Variants in CFAP45 observed in about 807,000 individuals in gnomAD.
CFAP45 encodes the protein cilia- and flagella-associated protein 45.
A neutral mutation model predicts 75.6 loss-of-function variants in CFAP45; 43 were observed. The ratio of observed to expected loss-of-function variants is 0.57; its 90% confidence interval spans 0.45 to 0.73. The LOEUF (loss-of-function observed/expected upper bound fraction) is 0.73. Among genes scored for constraint, CFAP45 ranks in the 30% least tolerant of loss-of-function variants. The pLI is 0.00. For synonymous variants in CFAP45, 223 were observed against 244.6 expected (o/e 0.91, Z 0.82); for missense variants, 689 against 701.5 (o/e 0.98, Z 0.20).
At chr1:159,895,602 C>A (rs1368564827) in intron 1 of CFAP45, among the ~76,000 whole-genome samples, 1 of 152,236 alleles carries the variant, frequency 6.6e-6, no homozygotes, top group African/African-American at 2.4e-5. Context: ...CAGGGAGTCT[C>A]CCTCTACAGC....
chr1:159,872,437 G>A lies in CFAP45; in HGVS notation c.*48C>T. The A allele has an allele frequency of 7.1e-7, 1 of 1,411,514 alleles. No individual in the cohort carries two copies. Among genetic ancestry groups the A allele is most frequent in the South Asian group, 1.1e-5 (1 of 87,014 alleles). 87.4% of individuals were successfully genotyped at this position (1,411,514 alleles called of 1,614,324 possible). ...AGCAATTATGGATGCCCAGAGACTG[G>A]GCAGAATCTGTCCCCCGAAGGCATC... On this transcript the variant is annotated 3_prime_UTR_variant, in exon 12 of 12. Coordinates refer to ENST00000368099, the MANE Select transcript of CFAP45 (RefSeq NM_012337.3).
chr1:159,889,655 G>T (rs539148834), intron 3 of CFAP45, among the ~76,000 whole-genome samples: 1 of 152,292 alleles, frequency 6.6e-6, no homozygotes, highest in African/African-American at 2.4e-5. Flanking sequence ...CCTTCCTCTG[G>T]CTCCAGGAGT....
intron 1 of CFAP45, among the ~76,000 whole-genome samples, chr1:159,893,907 A>G (rs1649890411): frequency 6.6e-6 from 1 of 151,152 alleles, no homozygotes; most frequent in Admixed American, 6.6e-5. Context: ...TAATATATAT[A>G]AATATACATG....
At chr1:159,896,088 T>A (rs1354655451) in intron 1 of CFAP45, among the ~76,000 whole-genome samples, 1 of 152,228 alleles carries the variant, frequency 6.6e-6, no homozygotes, top group Non-Finnish European at 1.5e-5. Flanking sequence ...ATAACGTATG[T>A]GAAAGGGCTT....
Position 159,887,974 on chromosome 1 carries a change from T to G in CFAP45, c.455A>C (p.Lys152Thr). The change falls in exon 5 of 12, where the codon AAG (lysine) becomes ACG (threonine). Residue 152 changes from lysine (K) to threonine (T), a missense_variant. Lys to Thr is a moderately conservative substitution (Grantham distance 78). Transcript: ENST00000368099. ...VMTRKKIMKQ[K>T]EMVWNNNKKL... ...CTTGTTGTTGTTCCACACCATCTCC[T>G]TCTGTTTCATGATCTTCTTTCGTGT... The G allele has an allele frequency of 6.2e-7, 1 of 1,614,232 alleles. No individual in the cohort carries two copies. The highest frequency in any genetic ancestry group is 1.3e-5 in the African/African-American group (1 of 75,054).
At position 159,900,143 on chromosome 1, in the gene CFAP45, G is replaced by A. The variant is rs200180448; in HGVS notation, c.-45C>T. 1.9e-5 allele frequency: 31 copies of A among 1,613,782 alleles called. No homozygotes were observed. The highest frequency in any genetic ancestry group is 1.8e-4 in the Admixed American group (11 of 60,010). ...GACTCCGGACTTCTGCTGCCGCCTCGGCGCCGCCAAGGCCCTAGTGTTGAC... is the reference window on the plus strand; with the variant it reads ...GACTCCGGACTTCTGCTGCCGCCTCAGCGCCGCCAAGGCCCTAGTGTTGAC... On this transcript the variant is annotated 5_prime_UTR_variant, in exon 1 of 12. Transcript: ENST00000368099.
intron 2 of CFAP45, among the ~76,000 whole-genome samples, chr1:159,891,148 T>C (rs1369646235): frequency 7.9e-5 from 12 of 152,194 alleles, no homozygotes; most frequent in African/African-American, 2.7e-4. Flanking sequence ...GGGTCACTAG[T>C]GTGTGTCTAT....
intron 7 of CFAP45, among the ~76,000 whole-genome samples, chr1:159,881,577 C>T (rs949093862): frequency 1.3e-5 from 2 of 152,054 alleles, no homozygotes; most frequent in Non-Finnish European, 2.9e-5. Flanking sequence ...AGCAAATATT[C>T]GATAAACCAT....
intron 1 of CFAP45, among the ~76,000 whole-genome samples, chr1:159,895,380 C>A (rs1383228653): frequency 6.6e-6 from 1 of 152,182 alleles, no homozygotes; most frequent in Non-Finnish European, 1.5e-5. Flanking sequence ...GGGAAATATA[C>A]CATGCTTTCC....
intron 5 of CFAP45, among the ~76,000 whole-genome samples, chr1:159,887,587 T>C (rs937652963): frequency 1.3e-5 from 2 of 152,246 alleles, no homozygotes; most frequent in African/African-American, 2.4e-5. Flanking sequence ...AAAGTAGTTT[T>C]ACCACCCTCA....
chr1:159,895,472 C>A (rs1649932165), intron 1 of CFAP45, among the ~76,000 whole-genome samples: 1 of 152,222 alleles, frequency 6.6e-6, no homozygotes, highest in African/African-American at 2.4e-5. Flanking sequence ...CCTGTTACTC[C>A]TGTATCAGGT....
chr1:159,899,810 C>T (rs1235873596), intron 1 of CFAP45, among the ~76,000 whole-genome samples: 1 of 152,194 alleles, frequency 6.6e-6, no homozygotes, highest in Non-Finnish European at 1.5e-5. Flanking sequence ...CTTTGGTCCA[C>T]AGAGGCCCCG....
intron 2 of CFAP45, 83 bp from the exon 3 acceptor site, chr1:159,890,705 T>C (rs1649807279): frequency 8.0e-7 from 1 of 1,243,484 alleles, no homozygotes; most frequent in Non-Finnish European, 1.2e-6. Flanking sequence ...TAGAGCAGCG[T>C]GATGCCCTGT....
At chr1:159,898,359 G>T in intron 1 of CFAP45, 1 of 360,536 alleles carries the variant, frequency 2.8e-6, no homozygotes, top group Non-Finnish European at 3.9e-6. Flanking sequence ...TTTTGTAAGA[G>T]TTCTGGAAGT....
intron 5 of CFAP45, among the ~76,000 whole-genome samples, chr1:159,887,122 G>T (rs550607978): frequency 6.6e-6 from 1 of 152,296 alleles, no homozygotes; most frequent in African/African-American, 2.4e-5. Flanking sequence ...CCTCAGGGGA[G>T]CTAAGACACT....
In CFAP45 at chr1:159,900,148, C is replaced by T. The variant is rs1225015860; in HGVS notation, c.-50G>A. 1.2e-6 allele frequency: 2 copies of T among 1,613,680 alleles called. No individual in the cohort carries two copies. The highest frequency in any genetic ancestry group is 1.7e-6 in the Non-Finnish European group (2 of 1,179,722). ...CGGACTTCTGCTGCCGCCTCGGCGCCGCCAAGGCCCTAGTGTTGACGCGTT... is the reference window on the plus strand; with the variant it reads ...CGGACTTCTGCTGCCGCCTCGGCGCTGCCAAGGCCCTAGTGTTGACGCGTT... On this transcript the variant is annotated 5_prime_UTR_variant, in exon 1 of 12. Transcript: ENST00000368099.
intron 7 of CFAP45, among the ~76,000 whole-genome samples, chr1:159,881,850 C>T: frequency 6.6e-6 from 1 of 152,222 alleles, no homozygotes; most frequent in East Asian, 1.9e-4. Flanking sequence ...CAATCACCTC[C>T]AATCAATCTC....
intron 4 of CFAP45, 83 bp from the exon 5 acceptor site, chr1:159,888,094 C>G: frequency 6.8e-7 from 1 of 1,478,892 alleles, no homozygotes. Flanking sequence ...CACAGGTGAC[C>G]CAGTACAATT....
chr1:159,899,874 G>A (rs1650034411), intron 1 of CFAP45: 2 of 550,658 alleles, frequency 3.6e-6, no homozygotes, highest in South Asian at 2.6e-5. Flanking sequence ...CAACTCCTCC[G>A]CTCAGCGCGC....
Sources: allele counts gnomAD v4.1 joint callset (sites outside exome capture counted in the v4.1 genomes callset), GRCh38; gene constraint gnomAD v4.1.1; transcripts MANE v1.5; gene names NCBI Gene and HGNC (gene_info 2026-07-23, HGNC 2026-07-21).